The following GNB1 variants were observed in gnomAD, a reference collection of about 807,000 sequenced individuals.
The protein encoded by GNB1 is G protein subunit beta 1, also known as guanine nucleotide-binding protein G(I)/G(S)/G(T) subunit beta-1.
GNB1 carries 2 observed loss-of-function variants against 42.9 expected under a neutral mutation model. That is an observed-to-expected ratio of 0.05 (90% CI 0.02 to 0.15). The LOEUF (loss-of-function observed/expected upper bound fraction) is 0.15, where lower values mean the gene tolerates loss of function less well. GNB1 is among the 10% of genes least tolerant of loss of function. The pLI, the probability that GNB1 is intolerant of heterozygous loss-of-function variation, is 1.00. For missense variants in GNB1, 193 were observed against 462.2 expected, an observed-to-expected ratio of 0.42 and a Z score of 5.34; for synonymous variants, 183 against 174.7, an observed-to-expected ratio of 1.05 and a Z score of -0.38.
chr1:1,859,093 C>T (rs1349224421), intron 1 of GNB1, among the ~76,000 whole-genome samples: 9 of 151,348 alleles, frequency 5.9e-5, no homozygotes, highest in African/African-American at 2.2e-4. Context: ...GCGATCTCAG[C>T]TCACTGCAAC....
chr1:1,853,629 G>A lies in GNB1; in HGVS notation c.-95-14391C>T, dbSNP rs2101551483. Among the ~76,000 whole-genome samples, 5 of 152,226 alleles carry A rather than the reference G, an allele frequency of 3.3e-5. No homozygotes were observed. The South Asian group carries it at 1.0e-3, about 32-fold the overall frequency. ...CAAAATATAGAAAGTACCCTGAGTT[G>A]GAAATGTTTTTATAACCCATATTCT... On this transcript the variant is annotated intron_variant, in intron 1 of 11. Coordinates refer to ENST00000378609, the MANE Select transcript of GNB1 (RefSeq NM_002074.5).
chr1:1,794,549 C>A (rs953411629), intron 7 of GNB1, among the ~76,000 whole-genome samples: 2 of 152,078 alleles, frequency 1.3e-5, no homozygotes, highest in East Asian at 3.8e-4. Context: ...AGCCTTCCCC[C>A]CAACTACACC....
intron 1 of GNB1, among the ~76,000 whole-genome samples, chr1:1,849,765 A>AT (rs1290234983): frequency 6.6e-6 from 1 of 152,074 alleles, no homozygotes; most frequent in Non-Finnish European, 1.5e-5. Context: ...CAGTTTGACT[A>AT]TAATGTGCCT....
chr1:1,797,447 T>C (rs1468524438), intron 7 of GNB1, among the ~76,000 whole-genome samples: 2 of 150,044 alleles, frequency 1.3e-5, no homozygotes, highest in Non-Finnish European at 3.0e-5. Context: ...CAAAATTCCT[T>C]TTTTTTTTTG....
chr1:1,848,769 A>T (rs762407545), intron 1 of GNB1, among the ~76,000 whole-genome samples: 6 of 152,214 alleles, frequency 3.9e-5, no homozygotes, highest in Non-Finnish European at 7.3e-5. Flanking sequence ...ACTGCACAGC[A>T]GGTTAGCACT....
intron 1 of GNB1, among the ~76,000 whole-genome samples, chr1:1,851,244 C>T (rs1647964821): frequency 6.6e-6 from 1 of 152,116 alleles, no homozygotes. Flanking sequence ...AACCATATCT[C>T]TACTAAAAAT....
At chr1:1,865,972 CTT>C (rs1310737816) in intron 1 of GNB1, among the ~76,000 whole-genome samples, 1 of 150,320 alleles carries the variant, frequency 6.7e-6, no homozygotes, top group Non-Finnish European at 1.5e-5. Flanking sequence ...GAGTTTCACT[CTT>C]GTTGCCCAGG....
chr1:1,846,419 T>C (rs900821917), intron 1 of GNB1, among the ~76,000 whole-genome samples: 9 of 152,012 alleles, frequency 5.9e-5, no homozygotes, highest in Non-Finnish European at 1.0e-4. Context: ...ACAAAAAAAT[T>C]AGCCAGGCGT....
chr1:1,866,575 T>C lies in GNB1; in HGVS notation c.-96+24245A>G, dbSNP rs544062033. On this transcript the variant is annotated intron_variant, in intron 1 of 11. Coordinates refer to ENST00000378609, the MANE Select transcript of GNB1 (RefSeq NM_002074.5). Reference sequence around the variant, plus strand: ...AATCTTTTGGCTTCCCTGGGCCACATTGGAGAATTCTGTCTTGGGCCACAC... The same window carrying C: ...AATCTTTTGGCTTCCCTGGGCCACACTGGAGAATTCTGTCTTGGGCCACAC... 8.8e-4 allele frequency among the ~76,000 whole-genome samples: 134 copies of C among 151,662 alleles called. 2 individuals are homozygous for C. The highest frequency in any genetic ancestry group is 2.8e-3 in the African/African-American group (117 of 41,402).
chr1:1,889,660 A>T (rs1190513220), intron 1 of GNB1, among the ~76,000 whole-genome samples: 2 of 71,220 alleles, frequency 2.8e-5, no homozygotes. Flanking sequence ...CCCATCTCTT[A>T]AAAAAAAAAA....
At chr1:1,880,078 C>G (rs892937913) in intron 1 of GNB1, among the ~76,000 whole-genome samples, 2 of 151,664 alleles carry the variant, frequency 1.3e-5, no homozygotes, top group Non-Finnish European at 2.9e-5. Flanking sequence ...ACCACAGGCA[C>G]GCACCACCAT....
intron 7 of GNB1, 23 bp from the exon 8 acceptor site, chr1:1,793,334 G>A (rs1646505529): frequency 6.3e-7 from 1 of 1,580,296 alleles, no homozygotes; most frequent in South Asian, 1.1e-5. Context: ...AGGCCTAAGT[G>A]ATGAGCTGAA....
intron 1 of GNB1, among the ~76,000 whole-genome samples, chr1:1,865,695 G>A (rs937591976): frequency 6.6e-6 from 1 of 152,192 alleles, no homozygotes; most frequent in Non-Finnish European, 1.5e-5. Flanking sequence ...TGAAACAGGA[G>A]ACTACAGTAC....
intron 1 of GNB1, among the ~76,000 whole-genome samples, chr1:1,867,916 T>G (rs1398249592): frequency 2.6e-5 from 4 of 152,192 alleles, no homozygotes; most frequent in Admixed American, 2.0e-4. Flanking sequence ...CCCATTAATT[T>G]ATAGATCAGT....
intron 1 of GNB1, among the ~76,000 whole-genome samples, chr1:1,877,140 A>C (rs1649586942): frequency 6.6e-6 from 1 of 151,870 alleles, no homozygotes; most frequent in South Asian, 2.1e-4. Context: ...GTCTCTACTA[A>C]AAATACAAAA....
chr1:1,791,604 A>C (rs1393842393), intron 8 of GNB1, among the ~76,000 whole-genome samples: 2 of 152,166 alleles, frequency 1.3e-5, no homozygotes, highest in East Asian at 1.9e-4. Context: ...CCACCAACAT[A>C]CTATTCTCCT....
intron 2 of GNB1, chr1:1,832,290 C>CCCA (rs1380819419): frequency 6.6e-6 from 1 of 152,154 alleles, no homozygotes; most frequent in Non-Finnish European, 1.5e-5. Flanking sequence ...TTCCAGAACA[C>CCCA]CCACCACCAG....
chr1:1,839,808 C>A (rs1430236213), intron 1 of GNB1: 1 of 151,850 alleles, frequency 6.6e-6, no homozygotes. Flanking sequence ...GAACCGAGAT[C>A]ATTCCACTGC....
chr1:1,867,283 G>A (rs1648996516), intron 1 of GNB1, among the ~76,000 whole-genome samples: 2 of 152,136 alleles, frequency 1.3e-5, no homozygotes, highest in African/African-American at 4.8e-5. Flanking sequence ...TTTTAAGAAA[G>A]TTTACAAATT....
Sources: allele counts gnomAD v4.1 joint callset (sites outside exome capture counted in the v4.1 genomes callset), GRCh38; gene constraint gnomAD v4.1.1; transcripts MANE v1.5; gene names NCBI Gene and HGNC (gene_info 2026-07-23, HGNC 2026-07-21).